The following GPD1L variants were observed in gnomAD, a reference collection of about 807,000 sequenced individuals.
The protein encoded by GPD1L is glycerol-3-phosphate dehydrogenase 1-like protein.
A neutral mutation model predicts 32.9 loss-of-function variants in GPD1L; 17 were observed. The observed-to-expected ratio is 0.52, with a 90% CI of 0.35 to 0.78. GPD1L has a LOEUF of 0.78. Among genes scored for constraint, GPD1L ranks in the 30% least tolerant of loss-of-function variants. GPD1L has a pLI of 0.01. For missense variants in GPD1L, 361 were observed against 447.8 expected, an observed-to-expected ratio of 0.81 and a Z score of 1.75; for synonymous variants, 187 against 165.9, an observed-to-expected ratio of 1.13 and a Z score of -0.98.
In GPD1L at chr3:32,112,510, G is replaced by A. The variant is rs1257590668; in HGVS notation, c.47+5752G>A. On this transcript the variant is annotated intron_variant, in intron 1 of 7. Transcript: ENST00000282541. Reference sequence around the variant, plus strand: ...AAATTAGCTGGGCATGATGGCATGCGCCTGTAGTCCCACCCACTTGGGAGG... The same window carrying A: ...AAATTAGCTGGGCATGATGGCATGCACCTGTAGTCCCACCCACTTGGGAGG... 2.0e-5 allele frequency among the ~76,000 whole-genome samples: 3 copies of A among 152,060 alleles called. No homozygotes were observed. The East Asian group carries it at 5.8e-4, about 29-fold the overall frequency.
intron 1 of GPD1L, among the ~76,000 whole-genome samples, chr3:32,110,396 T>G (rs1347100895): frequency 6.6e-6 from 1 of 152,264 alleles, no homozygotes; most frequent in African/African-American, 2.4e-5. Context: ...GATCTGGTTC[T>G]TACCTCAGGA....
At position 32,159,226 on chromosome 3, in the gene GPD1L, G is replaced by T. The variant is rs555252364; in HGVS notation, c.852+117G>T. 151 of 780,880 alleles carry T rather than the reference G, an allele frequency of 1.9e-4. No homozygotes were observed. The African/African-American group carries it at 2.3e-3, about 12-fold the overall frequency. The allele number at this position is 780,880 out of a possible 1,614,324, so 48.4% of individuals were successfully genotyped here. A position where few individuals can be genotyped will look rare whatever the true frequency, so the allele number is the denominator to read the frequency against. On this transcript the variant is annotated intron_variant, in intron 6 of 7. Coordinates refer to ENST00000282541, the MANE Select transcript of GPD1L (RefSeq NM_015141.4). ...AGCATCTATTTGCTGGGATTGTTCC[G>T]TTTGCCTGGCTGCTTTTTCACTTGA...
At chr3:32,136,168 C>T (rs574487937) in intron 2 of GPD1L, among the ~76,000 whole-genome samples, 84 of 152,250 alleles carry the variant, frequency 5.5e-4, no homozygotes, top group African/African-American at 1.9e-3. Flanking sequence ...CTTTGCCATC[C>T]GCAAAGTTGG....
chr3:32,125,471 G>T lies in GPD1L; in HGVS notation c.48-2605G>T, dbSNP rs115467666. On this transcript the variant is annotated intron_variant, in intron 1 of 7. Coordinates refer to ENST00000282541, the MANE Select transcript of GPD1L (RefSeq NM_015141.4). ...TTTGCGAAGCTTTTTTTGCTTCTCA[G>T]CGGGGTTTGGTCTTCCTGAGCACCA... 3.2e-3 allele frequency among the ~76,000 whole-genome samples: 480 copies of T among 152,278 alleles called. 3 individuals carry two copies. The highest frequency in any genetic ancestry group is 0.011 in the African/African-American group (456 of 41,558).
chr3:32,131,146 C>A (rs137855814), intron 2 of GPD1L, among the ~76,000 whole-genome samples: 2 of 152,266 alleles, frequency 1.3e-5, no homozygotes, highest in African/African-American at 4.8e-5. Context: ...GTAGAGGATT[C>A]TTTTGCTTCC....
intron 5 of GPD1L, 82 bp downstream of exon 5, chr3:32,146,816 G>A (rs1408406232): frequency 1.4e-5 from 12 of 828,632 alleles, no homozygotes; most frequent in African/African-American, 1.3e-4. Context: ...AATGGGCTCT[G>A]TGTTCTGTGC....
At chr3:32,157,847 T>G (rs1701016700) in intron 5 of GPD1L, among the ~76,000 whole-genome samples, 1 of 152,222 alleles carries the variant, frequency 6.6e-6, no homozygotes, top group African/African-American at 2.4e-5. Context: ...GCCAGCCCCC[T>G]TAGCAGATTT....
intron 4 of GPD1L, 136 bp downstream of exon 4, chr3:32,140,502 G>A: frequency 9.8e-7 from 1 of 1,018,496 alleles, no homozygotes. Context: ...ATTCAGTGGG[G>A]CGAGGGTTTT....
intron 1 of GPD1L, among the ~76,000 whole-genome samples, chr3:32,115,945 G>C (rs1487788740): frequency 6.6e-6 from 1 of 151,768 alleles, no homozygotes; most frequent in Admixed American, 6.6e-5. Context: ...GTGCCACCAC[G>C]CCAGGCTAAT....
At chr3:32,123,791 A>AAGATAGATAGATAGATAGATAGATAGAT (rs564716825) in intron 1 of GPD1L, among the ~76,000 whole-genome samples, 10 of 126,890 alleles carry the variant, frequency 7.9e-5, no homozygotes, top group Non-Finnish European at 1.0e-4. Context: ...CAGGAATTGA[A>AAGATAGATAGATAGATAGATAGATAGAT]AGATAGATAG....
At chr3:32,162,866 C>T (rs1463759496) in intron 7 of GPD1L, among the ~76,000 whole-genome samples, 2 of 151,996 alleles carry the variant, frequency 1.3e-5, no homozygotes, top group Middle Eastern at 3.2e-3. Flanking sequence ...TTAAGTAATT[C>T]TCTTGCCTCA....
At chr3:32,125,810 G>A (rs1384211494) in intron 1 of GPD1L, among the ~76,000 whole-genome samples, 2 of 152,124 alleles carry the variant, frequency 1.3e-5, no homozygotes, top group African/African-American at 4.8e-5. Context: ...CATAGTAGGT[G>A]CTCAGTAAAT....
At chr3:32,162,059 G>C (rs972851796) in intron 7 of GPD1L, among the ~76,000 whole-genome samples, 10 of 152,170 alleles carry the variant, frequency 6.6e-5, no homozygotes, top group Non-Finnish European at 1.2e-4. Context: ...AAAATAGCAG[G>C]AGGGCAGCAT....
chr3:32,137,298 G>T (rs563380024), intron 2 of GPD1L, among the ~76,000 whole-genome samples: 1 of 152,184 alleles, frequency 6.6e-6, no homozygotes, highest in Non-Finnish European at 1.5e-5. Context: ...GTAAATGTTT[G>T]TGCATTTTTC....
chr3:32,167,759 T>A lies in GPD1L; in HGVS notation c.*1849T>A, dbSNP rs1372502993. 2.0e-5 allele frequency: 3 copies of A among 152,390 alleles called. No individual in the cohort carries two copies. The highest frequency in any genetic ancestry group is 4.4e-5 in the Non-Finnish European group (3 of 68,034). 9.4% of individuals were successfully genotyped at this position (152,390 alleles called of 1,614,324 possible). A position where few individuals can be genotyped will look rare whatever the true frequency, so the allele number is the denominator to read the frequency against. On this transcript the variant is annotated 3_prime_UTR_variant, in exon 8 of 8. Transcript: ENST00000282541. Reference sequence around the variant, plus strand: ...TCAATGCCAGTTTAGGATTTCTTTTTTTCTATACCTTGAAATGATTATAAA... The same window carrying A: ...TCAATGCCAGTTTAGGATTTCTTTTATTCTATACCTTGAAATGATTATAAA...
intron 4 of GPD1L, among the ~76,000 whole-genome samples, chr3:32,144,676 G>T (rs887483807): frequency 1.3e-5 from 2 of 151,668 alleles, no homozygotes; most frequent in African/African-American, 4.9e-5. Context: ...TATTACTGGG[G>T]TTTGTTGTTG....
At chr3:32,130,739 G>T (rs1057348317) in intron 2 of GPD1L, among the ~76,000 whole-genome samples, 1 of 145,272 alleles carries the variant, frequency 6.9e-6, no homozygotes, top group African/African-American at 2.5e-5. Flanking sequence ...GGGACCGAGC[G>T]CAGTGGCTCA....
At chr3:32,150,486 T>G (rs1700899518) in intron 5 of GPD1L, among the ~76,000 whole-genome samples, 1 of 150,276 alleles carries the variant, frequency 6.7e-6, no homozygotes, top group South Asian at 2.1e-4. Context: ...GTGGTCTTTT[T>G]TTTCTTAACA....
intron 5 of GPD1L, among the ~76,000 whole-genome samples, chr3:32,150,579 C>T (rs1474442127): frequency 6.7e-6 from 1 of 150,178 alleles, no homozygotes; most frequent in Non-Finnish European, 1.5e-5. Flanking sequence ...CTCTGCCTTC[C>T]AGGTTCAAGG....
Sources: allele counts gnomAD v4.1 joint callset (sites outside exome capture counted in the v4.1 genomes callset), GRCh38; gene constraint gnomAD v4.1.1; transcripts MANE v1.5; gene names NCBI Gene and HGNC (gene_info 2026-07-23, HGNC 2026-07-21).